The following C4orf17 variants were observed in gnomAD, a reference collection of about 807,000 sequenced individuals.
C4orf17 encodes the protein chromosome 4 open reading frame 17, also known as uncharacterized protein C4orf17.
A neutral mutation model predicts 32.0 loss-of-function variants in C4orf17; 25 were observed. The observed-to-expected ratio is 0.78, with a 90% CI of 0.57 to 1.09. C4orf17 has a LOEUF of 1.09. C4orf17 is among the 50% of genes least tolerant of loss of function. The pLI, the probability that C4orf17 is intolerant of heterozygous loss-of-function variation, is 0.00. For missense variants in C4orf17, 420 were observed against 420.0 expected (o/e 1.00, Z 0.00); for synonymous variants, 149 against 145.8 (o/e 1.02, Z -0.16).
chr4:99,536,743 C>T (rs1169446570), intron 5 of C4orf17, among the ~76,000 whole-genome samples: 2 of 152,188 alleles, frequency 1.3e-5, no homozygotes, highest in African/African-American at 4.8e-5. Context: ...CTCATTAGAA[C>T]CCTGTGGTAC....
intron 5 of C4orf17, among the ~76,000 whole-genome samples, chr4:99,536,866 A>T (rs2110173775): frequency 6.6e-6 from 1 of 152,334 alleles, no homozygotes; most frequent in African/African-American, 2.4e-5. Flanking sequence ...GAAATATTAA[A>T]GTCAAATATT....
At chr4:99,541,695 A>G (rs1202041180) in intron 8 of C4orf17, 2 of 503,490 alleles carry the variant, frequency 4.0e-6, no homozygotes, top group Non-Finnish European at 7.0e-6. Context: ...AGAGTGAAGG[A>G]ACATATCCTG....
chr4:99,515,840 G>C (rs1723172021), intron 2 of C4orf17, among the ~76,000 whole-genome samples: 1 of 151,756 alleles, frequency 6.6e-6, no homozygotes. Context: ...AAGCTTTGTT[G>C]AAAAAAAGGG....
chr4:99,524,030 A>G (rs1169800866), intron 3 of C4orf17, among the ~76,000 whole-genome samples: 1 of 132,984 alleles, frequency 7.5e-6, no homozygotes, highest in Non-Finnish European at 1.5e-5. Flanking sequence ...CCCAGCCTGG[A>G]GTGCAGTGGT....
chr4:99,516,328 T>C (rs1560584792), intron 2 of C4orf17, among the ~76,000 whole-genome samples: 2 of 152,186 alleles, frequency 1.3e-5, no homozygotes, highest in Non-Finnish European at 2.9e-5. Context: ...GGAAATGAGC[T>C]GCCCACAGTC....
At chr4:99,513,739 A>G (rs1723133528) in intron 2 of C4orf17, among the ~76,000 whole-genome samples, 1 of 151,794 alleles carries the variant, frequency 6.6e-6, no homozygotes, top group Non-Finnish European at 1.5e-5. Flanking sequence ...TTTATACAGT[A>G]GAATTACTCA....
chr4:99,537,108 CT>C (rs1451440118), intron 5 of C4orf17, among the ~76,000 whole-genome samples: 2 of 152,124 alleles, frequency 1.3e-5, no homozygotes, highest in Non-Finnish European at 1.5e-5. Flanking sequence ...ATATTGCCCC[CT>C]AATGGTATTT....
rs1723312433 is a variant in C4orf17 at position 99,522,673 on chromosome 4, C to T, written c.301C>T (p.Pro101Ser). Residue 101 changes from proline to serine, a missense_variant, in exon 3 of 9, where the codon CCA becomes TCA. Physicochemically the swap from Pro to Ser is moderately conservative, Grantham distance 74. Transcript: ENST00000326581. ...CCCTGTAAGAGGAATGTCGCCAGCC[C>T]CAAACGGTGCCAAAGTGCCTCCACG... ...ESPVRGMSPA[P>S]NGAKVPPRPH... The T allele has an allele frequency of 2.5e-6, 4 of 1,613,750 alleles. No individual in the cohort carries two copies. The highest frequency in any genetic ancestry group is 1.7e-5 in the Admixed American group (1 of 59,992).
chr4:99,520,770 G>A (rs1723274814), intron 2 of C4orf17, among the ~76,000 whole-genome samples: 1 of 152,104 alleles, frequency 6.6e-6, no homozygotes, highest in Admixed American at 6.5e-5. Context: ...TACAAACTTT[G>A]TTAATAGCTT....
intron 8 of C4orf17, chr4:99,541,285 C>G (rs1723647852): frequency 6.6e-6 from 1 of 152,304 alleles, no homozygotes; most frequent in Admixed American, 6.5e-5. Flanking sequence ...ACAAAGTACT[C>G]CCTTACTTAG....
At chr4:99,512,743 T>G (rs1723114448) in intron 1 of C4orf17, among the ~76,000 whole-genome samples, 1 of 152,178 alleles carries the variant, frequency 6.6e-6, no homozygotes, top group African/African-American at 2.4e-5. Context: ...TACTTTATAC[T>G]TTTTACAAAT....
intron 1 of C4orf17, among the ~76,000 whole-genome samples, chr4:99,511,995 A>C (rs775837380): frequency 6.6e-6 from 1 of 152,174 alleles, no homozygotes; most frequent in Non-Finnish European, 1.5e-5. Flanking sequence ...TACACCATAC[A>C]GTCTAAGTAT....
At chr4:99,523,206 A>T (rs79139602) in intron 3 of C4orf17, among the ~76,000 whole-genome samples, 12,877 of 152,178 alleles carry the variant, frequency 0.085, 1,489 homozygotes, top group East Asian at 0.52. Context: ...AATTGAATTA[A>T]TTTTTACTGA....
Position 99,514,090 on chromosome 4 carries a change from T to C in C4orf17, c.127+882T>C, listed in dbSNP as rs113196688. ...CTCACACCCATCCCTGAGATTCTTA[T>C]CCCCAAGAGAAACGCTGCCATAGTG... On this transcript the variant is annotated intron_variant, in intron 2 of 8. Transcript: ENST00000326581. Among the ~76,000 whole-genome samples, 194 of 152,042 alleles carry C rather than the reference T, an allele frequency of 1.3e-3. 1 individual carries two copies. Among genetic ancestry groups the C allele is most frequent in the African/African-American group, 4.5e-3 (188 of 41,456 alleles).
intron 5 of C4orf17, among the ~76,000 whole-genome samples, chr4:99,532,289 T>C (rs1355789330): frequency 6.6e-6 from 1 of 152,096 alleles, no homozygotes; most frequent in East Asian, 1.9e-4. Flanking sequence ...AGCAAAGACA[T>C]GGAATCAACC....
chr4:99,512,885 C>T (rs548031185), intron 1 of C4orf17, 104 bp from the exon 2 acceptor site: 120 of 583,476 alleles, frequency 2.1e-4, no homozygotes, highest in Non-Finnish European at 2.7e-4. Context: ...ATTGCTGTAA[C>T]ATGAGAAACA....
At chr4:99,523,442 G>GTATGGACATA in intron 3 of C4orf17, among the ~76,000 whole-genome samples, 1 of 152,232 alleles carries the variant, frequency 6.6e-6, no homozygotes, top group South Asian at 2.1e-4. Context: ...CAATTATAGA[G>GTATGGACATA]TACTCACTAT....
intron 2 of C4orf17, among the ~76,000 whole-genome samples, chr4:99,518,510 AAAAAAAAAATATATAT>A (rs1723226579): frequency 3.0e-5 from 2 of 66,568 alleles, no homozygotes; most frequent in African/African-American, 1.9e-4. Flanking sequence ...AAAAAAAAAA[AAAAAAAAAATATATAT>A]ATATATATAT....
chr4:99,515,569 G>T (rs1723166544), intron 2 of C4orf17, among the ~76,000 whole-genome samples: 1 of 152,020 alleles, frequency 6.6e-6, no homozygotes, highest in African/African-American at 2.4e-5. Flanking sequence ...GGAGGAGGGG[G>T]AGTGTCAGGA....
Sources: gnomAD v4.1 joint callset for allele counts (sites outside exome capture counted in the v4.1 genomes callset) on GRCh38, gnomAD v4.1.1 for gene constraint, MANE v1.5 for transcripts, NCBI Gene and HGNC (gene_info 2026-07-23, HGNC 2026-07-21) for gene names.